PCDH15: variants seen among roughly 807,000 people sequenced by gnomAD.
The protein encoded by PCDH15 is protocadherin related 15.
A neutral mutation model predicts 178.5 loss-of-function variants in PCDH15; 129 were observed. The observed-to-expected ratio is 0.72, with a 90% CI of 0.63 to 0.84. The LOEUF is 0.84. PCDH15 is among the 40% of genes least tolerant of loss of function. PCDH15 has a pLI of 0.00. For missense variants in PCDH15, 2,230 were observed against 2,099.9 expected, an observed-to-expected ratio of 1.06 and a Z score of -1.21; for synonymous variants, 800 against 732.0, an observed-to-expected ratio of 1.09 and a Z score of -1.50.
chr10:55,124,746 T>G (rs1408688312), intron 2 of PCDH15, among the ~76,000 whole-genome samples: 3 of 152,116 alleles, frequency 2.0e-5, no homozygotes, highest in Admixed American at 2.0e-4. Flanking sequence ...ATATTTTACC[T>G]GCCTTGAAAT....
chr10:54,010,420 T>G (rs902972886), intron 20 of PCDH15, among the ~76,000 whole-genome samples: 1 of 152,160 alleles, frequency 6.6e-6, no homozygotes, highest in Non-Finnish European at 1.5e-5. Context: ...CATTTTTTGC[T>G]GCTCCACAGT....
At chr10:55,428,037 C>T (rs991718786) in intron 2 of PCDH15, among the ~76,000 whole-genome samples, 5 of 151,878 alleles carry the variant, frequency 3.3e-5, no homozygotes, top group African/African-American at 9.7e-5. Context: ...AATTATTTTA[C>T]GTTTTTTGAT....
rs189491437 is a variant in PCDH15, at chr10:54,609,531, G to T, written c.91+54641C>A. On this transcript the variant is annotated intron_variant, in intron 2 of 37. Coordinates refer to ENST00000644397, the MANE Select transcript of PCDH15 (RefSeq NM_001384140.1). ...TAAGAATCATAGCTTGCAATCTATG[G>T]TGCTTCAATGAAGAATAATCTGTAA... Among the ~76,000 whole-genome samples, 830 of 152,044 alleles carry T rather than the reference G, an allele frequency of 5.5e-3. 11 individuals are homozygous for T. The highest frequency in any genetic ancestry group is 6.7e-3 in the Non-Finnish European group (453 of 67,920).
chr10:54,715,552 C>G (rs764116845), intron 1 of PCDH15, among the ~76,000 whole-genome samples: 1 of 152,104 alleles, frequency 6.6e-6, no homozygotes. Flanking sequence ...CAAGCCACCC[C>G]CTGATGGCGT....
At chr10:53,924,450 G>A (rs1270900238) in intron 25 of PCDH15, among the ~76,000 whole-genome samples, 1 of 152,168 alleles carries the variant, frequency 6.6e-6, no homozygotes, top group Non-Finnish European at 1.5e-5. Context: ...AGCCCGCCAT[G>A]CTGGAGTGTC....
intron 28 of PCDH15, among the ~76,000 whole-genome samples, chr10:53,845,092 CAA>C (rs2077886035): frequency 6.6e-6 from 1 of 151,682 alleles, no homozygotes; most frequent in African/African-American, 2.4e-5. Context: ...AGAAGATATA[CAA>C]AGAGTCAATA....
intron 8 of PCDH15, among the ~76,000 whole-genome samples, chr10:54,253,497 C>T (rs1191632321): frequency 6.6e-6 from 1 of 152,018 alleles, no homozygotes; most frequent in African/African-American, 2.4e-5. Flanking sequence ...AGTTCTGTAT[C>T]ATCCAGCATA....
intron 22 of PCDH15, among the ~76,000 whole-genome samples, chr10:53,960,180 C>T (rs2088144860): frequency 6.6e-6 from 1 of 152,132 alleles, no homozygotes; most frequent in Admixed American, 6.5e-5. Flanking sequence ...TTCTATAATT[C>T]CACTGAAGCC....
Position 55,060,124 on chromosome 10 carries a change from T to C in PCDH15, c.-80+106452A>G, listed in dbSNP as rs1043308721. ...CATAAAATAAAGCACTACAGTCTCA[T>C]ATGATTCGTGAAAATATTATGCTTT... On this transcript the variant is annotated intron_variant, in intron 2 of 5. Coordinates refer to the PCDH15 transcript ENST00000458638. Among the ~76,000 whole-genome samples, 15 of 152,184 alleles carry C rather than the reference T, an allele frequency of 9.9e-5. No individual in the cohort carries two copies. The South Asian group carries it at 3.1e-3, about 32-fold the overall frequency.
At chr10:55,126,888 G>C (rs1837913918) in intron 2 of PCDH15, among the ~76,000 whole-genome samples, 1 of 132,220 alleles carries the variant, frequency 7.6e-6, no homozygotes, top group Admixed American at 8.5e-5. Flanking sequence ...ACAAAAAGGA[G>C]ACATTTTTCT....
intron 21 of PCDH15, among the ~76,000 whole-genome samples, chr10:53,967,302 T>G (rs2660188): frequency 0.71 from 107,877 of 152,032 alleles, 38,631 homozygotes; most frequent in East Asian, 0.87. Flanking sequence ...AGTCTCCCCA[T>G]CCCTCTGGAA....
At chr10:54,792,804 C>T (rs991018710) in intron 1 of PCDH15, among the ~76,000 whole-genome samples, 2 of 151,898 alleles carry the variant, frequency 1.3e-5, no homozygotes, top group Admixed American at 1.3e-4. Flanking sequence ...ATCTAATTTC[C>T]TATTCATTCT....
chr10:55,431,083 G>A (rs980555287), intron 2 of PCDH15, among the ~76,000 whole-genome samples: 1 of 152,040 alleles, frequency 6.6e-6, no homozygotes, highest in Non-Finnish European at 1.5e-5. Flanking sequence ...TGAATAACCT[G>A]GGTTAGGTTC....
chr10:53,814,816 T>G (rs904353366), intron 35 of PCDH15, among the ~76,000 whole-genome samples: 2 of 151,798 alleles, frequency 1.3e-5, no homozygotes, highest in African/African-American at 4.8e-5. Flanking sequence ...ATACAAAAAT[T>G]AGCTGGGCAT....
intron 2 of PCDH15, among the ~76,000 whole-genome samples, chr10:54,611,282 T>C (rs1565739662): frequency 6.6e-6 from 1 of 151,788 alleles, no homozygotes; most frequent in East Asian, 1.9e-4. Flanking sequence ...GATGTTTTTA[T>C]TTTTTTAAAA....
chr10:54,469,027 T>G (rs1237710988), intron 3 of PCDH15, among the ~76,000 whole-genome samples: 2 of 152,210 alleles, frequency 1.3e-5, no homozygotes, highest in Non-Finnish European at 2.9e-5. Context: ...TCAATCTATA[T>G]GTTTCTTTAC....
chr10:54,601,737 C>T (rs1365412951), intron 2 of PCDH15, among the ~76,000 whole-genome samples: 2 of 151,888 alleles, frequency 1.3e-5, no homozygotes, highest in East Asian at 3.9e-4. Flanking sequence ...GACACATGCC[C>T]ACATATGTTC....
At chr10:54,750,969 C>T (rs1946147835) in intron 1 of PCDH15, among the ~76,000 whole-genome samples, 1 of 151,864 alleles carries the variant, frequency 6.6e-6, no homozygotes, top group African/African-American at 2.4e-5. Context: ...GCACTGGCAA[C>T]AGTAATAAAC....
At chr10:53,817,969 C>T (rs192825376) in intron 34 of PCDH15, 26 bp downstream of exon 34, 41 of 398,606 alleles carry the variant, frequency 1.0e-4, no homozygotes, top group African/African-American at 3.9e-4. Flanking sequence ...ATGCTTGTTA[C>T]GACATCAACA....
Sources: gnomAD v4.1 joint callset for allele counts (sites outside exome capture counted in the v4.1 genomes callset) on GRCh38, gnomAD v4.1.1 for gene constraint, MANE v1.5 for transcripts, NCBI Gene and HGNC (gene_info 2026-07-23, HGNC 2026-07-21) for gene names.